Variants in WDR70 observed in about 807,000 individuals in gnomAD.
The protein encoded by WDR70 is WD repeat domain 70, also known as WD repeat-containing protein 70.
A neutral mutation model predicts 88.6 loss-of-function variants in WDR70; 53 were observed. The observed-to-expected ratio is 0.60, with a 90% CI of 0.48 to 0.75. WDR70 has a LOEUF of 0.75. WDR70 is among the 30% of genes least tolerant of loss of function. WDR70 has a pLI of 0.00. For synonymous variants in WDR70, 280 were observed against 270.0 expected, an observed-to-expected ratio of 1.04 and a Z score of -0.36; for missense variants, 610 against 823.2, an observed-to-expected ratio of 0.74 and a Z score of 3.17.
intron 9 of WDR70, among the ~76,000 whole-genome samples, chr5:37,537,809 A>G (rs1462221833): frequency 6.6e-6 from 1 of 152,184 alleles, no homozygotes; most frequent in African/African-American, 2.4e-5. Flanking sequence ...AAGAATAACC[A>G]TGGTATATTT....
chr5:37,471,396 A>G (rs1347672474), intron 7 of WDR70, among the ~76,000 whole-genome samples: 1 of 150,934 alleles, frequency 6.6e-6, no homozygotes, highest in African/African-American at 2.4e-5. Flanking sequence ...TCATAACATT[A>G]TTGGATATTT....
intron 7 of WDR70, among the ~76,000 whole-genome samples, chr5:37,470,492 GAT>G (rs1266688295): frequency 4.6e-5 from 7 of 152,182 alleles, no homozygotes; most frequent in African/African-American, 1.7e-4. Context: ...TTGTTTACCA[GAT>G]ATTACCCACA....
chr5:37,427,115 C>T (rs79118191), intron 5 of WDR70, among the ~76,000 whole-genome samples: 2,402 of 152,228 alleles, frequency 0.016, 56 homozygotes, highest in African/African-American at 0.055. Flanking sequence ...GTTGGCTGGG[C>T]GCGGTGGCTC....
At chr5:37,563,563 C>G (rs866301995) in intron 9 of WDR70, among the ~76,000 whole-genome samples, 2,938 of 68,610 alleles carry the variant, frequency 0.043, 679 homozygotes, top group African/African-American at 0.11. Flanking sequence ...GGGCTGACCC[C>G]CCCCCACCTC....
chr5:37,603,091 C>A (rs1743935140), intron 9 of WDR70, among the ~76,000 whole-genome samples: 1 of 151,658 alleles, frequency 6.6e-6, no homozygotes, highest in South Asian at 2.1e-4. Flanking sequence ...TCTACAAATT[C>A]AATGCAATCC....
intron 7 of WDR70, among the ~76,000 whole-genome samples, chr5:37,447,095 G>GA (rs1738508741): frequency 6.6e-6 from 1 of 151,910 alleles, no homozygotes; most frequent in African/African-American, 2.4e-5. Context: ...AAATTTACAA[G>GA]AAAAAAACAA....
At chr5:37,489,793 ATTTTT>A (rs112647607) in intron 8 of WDR70, among the ~76,000 whole-genome samples, 1 of 146,162 alleles carries the variant, frequency 6.8e-6, no homozygotes, top group Non-Finnish European at 1.5e-5. Flanking sequence ...AGTGTCAGGC[ATTTTT>A]TTTTTTATTA....
Position 37,721,134 on chromosome 5 carries a change from G to T in WDR70, c.1436G>T (p.Trp479Leu). Residue 479 changes from tryptophan (W) to leucine (L), a missense_variant, in exon 14 of 18, where the codon TGG (tryptophan) becomes TTG (leucine). This residue lies in a region of WDR70 where 254 missense variants were observed against 300.7 expected (regional missense o/e 0.84). Transcript: ENST00000265107. ...TTGCAGAGTGTTGTTCGCTGCCTGT[G>T]GCATCCAAAGCTGAACCAGATCATG... ...ITDASVVRCL[W>L]HPKLNQIMVG... 1 of 1,613,680 alleles carries T rather than the reference G, an allele frequency of 6.2e-7. No individual in the cohort carries two copies. The highest frequency in any genetic ancestry group is 8.5e-7 in the Non-Finnish European group (1 of 1,179,732).
intron 10 of WDR70, among the ~76,000 whole-genome samples, chr5:37,622,073 G>A (rs989979226): frequency 2.6e-5 from 4 of 152,092 alleles, no homozygotes; most frequent in African/African-American, 9.7e-5. Context: ...GCTCTGTTCT[G>A]TTCCATTGGT....
chr5:37,454,924 C>G (rs1484134912), intron 7 of WDR70, among the ~76,000 whole-genome samples: 1 of 152,132 alleles, frequency 6.6e-6, no homozygotes, highest in Admixed American at 6.5e-5. Context: ...CACTTTGACC[C>G]TTAGTTTCCT....
At chr5:37,665,970 TCA>T (rs1461014477) in intron 10 of WDR70, among the ~76,000 whole-genome samples, 1 of 152,186 alleles carries the variant, frequency 6.6e-6, no homozygotes, top group Non-Finnish European at 1.5e-5. Context: ...CTGCCAGCGT[TCA>T]CAGACAGCTG....
chr5:37,526,860 T>C (rs912836824), intron 9 of WDR70, among the ~76,000 whole-genome samples: 2 of 152,156 alleles, frequency 1.3e-5, no homozygotes, highest in East Asian at 1.9e-4. Flanking sequence ...AGCCAAATCA[T>C]GAGTGAACTC....
chr5:37,498,935 C>G (rs1323697216), intron 8 of WDR70, among the ~76,000 whole-genome samples: 1 of 152,194 alleles, frequency 6.6e-6, no homozygotes, highest in Non-Finnish European at 1.5e-5. Context: ...GTGGCTAGAC[C>G]ATTTTACATT....
chr5:37,695,868 G>T (rs1217584996), intron 10 of WDR70, among the ~76,000 whole-genome samples: 6 of 152,074 alleles, frequency 3.9e-5, no homozygotes, highest in Non-Finnish European at 7.4e-5. Flanking sequence ...ATAAAAATTC[G>T]GCTTACCACA....
chr5:37,531,307 G>T (rs1741475812), intron 9 of WDR70, among the ~76,000 whole-genome samples: 1 of 151,984 alleles, frequency 6.6e-6, no homozygotes, highest in Admixed American at 6.6e-5. Context: ...AAATCCATTT[G>T]TTGTATAGTT....
chr5:37,628,071 C>T (rs1009227393), intron 10 of WDR70, among the ~76,000 whole-genome samples: 1 of 152,136 alleles, frequency 6.6e-6, no homozygotes, highest in African/African-American at 2.4e-5. Context: ...ACTATAGGCA[C>T]ATGACATCAC....
chr5:37,521,302 T>C (rs1310010291), intron 9 of WDR70, among the ~76,000 whole-genome samples: 1 of 24,466 alleles, frequency 4.1e-5, no homozygotes, highest in Non-Finnish European at 1.4e-3. Flanking sequence ...AGACCAGTGA[T>C]ACACAAACAT....
At chr5:37,752,379 G>T in intron 17 of WDR70, 107 bp from the exon 18 acceptor site, 3 of 691,314 alleles carry the variant, frequency 4.3e-6, no homozygotes, top group Non-Finnish European at 4.9e-6. Context: ...TAATTGAGTT[G>T]TAATTTATTC....
chr5:37,483,277 A>C (rs891399035), intron 8 of WDR70, among the ~76,000 whole-genome samples: 12 of 151,784 alleles, frequency 7.9e-5, no homozygotes, highest in Non-Finnish European at 1.5e-4. Context: ...GTCCCTGGGT[A>C]CTTGAGATTA....
Sources: gnomAD v4.1 joint callset for allele counts (sites outside exome capture counted in the v4.1 genomes callset) on GRCh38, gnomAD v4.1.1 for gene constraint, gnomAD v4.1.1 regional missense constraint, MANE v1.5 for transcripts, NCBI Gene and HGNC (gene_info 2026-07-23, HGNC 2026-07-21) for gene names.